The following MDM1 variants were observed in gnomAD, a reference collection of about 807,000 sequenced individuals.
MDM1 encodes stabilizer of axonemal microtubules 6.
A neutral mutation model predicts 89.1 loss-of-function variants in MDM1; 61 were observed. That is an observed-to-expected ratio of 0.68 (90% CI 0.56 to 0.85). The LOEUF (loss-of-function observed/expected upper bound fraction) is 0.85. MDM1 is among the 40% of genes least tolerant of loss of function. MDM1 has a pLI of 0.00. For missense variants in MDM1, 820 were observed against 846.5 expected (o/e 0.97, Z 0.39); for synonymous variants, 290 against 294.1 (o/e 0.99, Z 0.14).
intron 12 of MDM1, among the ~76,000 whole-genome samples, chr12:68,310,321 A>C (rs993341277): frequency 2.6e-5 from 4 of 152,184 alleles, no homozygotes; most frequent in African/African-American, 9.7e-5. Flanking sequence ...AGTGTATAGT[A>C]CTCACAGTGA....
intron 12 of MDM1, among the ~76,000 whole-genome samples, chr12:68,308,537 T>C (rs958875972): frequency 6.6e-6 from 1 of 152,246 alleles, no homozygotes; most frequent in South Asian, 2.1e-4. Context: ...CCTGTCCTGA[T>C]GGCCCAAACT....
intron 13 of MDM1, among the ~76,000 whole-genome samples, chr12:68,299,837 T>C (rs1446771699): frequency 6.6e-6 from 1 of 152,136 alleles, no homozygotes; most frequent in Non-Finnish European, 1.5e-5. Context: ...CTCAATGAAC[T>C]CTTAGGAACT....
At chr12:68,316,354 C>T (rs1479404999) in intron 8 of MDM1, 101 bp from the exon 9 acceptor site, 28 of 1,332,820 alleles carry the variant, frequency 2.1e-5, no homozygotes, top group Non-Finnish European at 1.1e-5. Context: ...AGCCAGGGAC[C>T]AAAGACAAAG....
intron 2 of MDM1, 182 bp downstream of exon 2, chr12:68,330,925 G>A (rs1351869374): frequency 1.7e-6 from 1 of 580,872 alleles, no homozygotes; most frequent in Non-Finnish European, 3.1e-6. Context: ...AATAGTCCTG[G>A]CTCATAGTAA....
At chr12:68,300,967 C>T (rs1172915952) in intron 13 of MDM1, among the ~76,000 whole-genome samples, 3 of 152,120 alleles carry the variant, frequency 2.0e-5, no homozygotes, top group Non-Finnish European at 4.4e-5. Context: ...TCTTCTCAGA[C>T]CACAGGGGAA....
intron 9 of MDM1, 109 bp from the exon 10 acceptor site, chr12:68,315,374 T>C: frequency 1.0e-6 from 1 of 1,001,308 alleles, no homozygotes; most frequent in Non-Finnish European, 1.5e-6. Context: ...AACTACATGT[T>C]TTCCATAGAT....
chr12:68,313,664 T>G lies in MDM1; in HGVS notation c.1619A>C (p.Asp540Ala), dbSNP rs1482264476. The part of the protein sequence containing the change: ...ELGGIQRTHH[D>A]LTTPAVGGAV... The stretch of plus-strand genomic sequence containing the variant: ...ATTACCAACAGCTGGAGTAGTGAGA[T>G]CATGATGAGTCCTCTGGATTCCACC... Residue 540 changes from aspartate (D) to alanine (A), a missense_variant, in exon 11 of 15, where the codon GAT (aspartate) becomes GCT (alanine). Coordinates refer to ENST00000682720, the MANE Select transcript of MDM1 (RefSeq NM_001354969.2). 2.5e-6 allele frequency: 4 copies of G among 1,613,858 alleles called. No homozygotes were observed. The African/African-American group carries it at 5.3e-5, about 22-fold the overall frequency.
chr12:68,312,282 A>C (rs1873800869), intron 12 of MDM1, among the ~76,000 whole-genome samples: 2 of 152,284 alleles, frequency 1.3e-5, no homozygotes, highest in South Asian at 4.1e-4. Flanking sequence ...ATGTCTAATA[A>C]GCTTCTCAAA....
intron 12 of MDM1, among the ~76,000 whole-genome samples, chr12:68,310,078 C>A (rs1285683290): frequency 2.0e-5 from 3 of 152,200 alleles, no homozygotes; most frequent in Non-Finnish European, 4.4e-5. Flanking sequence ...TGAAGTGATT[C>A]TTGTGCCTCA....
intron 12 of MDM1, among the ~76,000 whole-genome samples, chr12:68,305,402 C>T (rs1439469874): frequency 6.6e-6 from 1 of 152,012 alleles, no homozygotes; most frequent in Non-Finnish European, 1.5e-5. Context: ...GTACTGAAGT[C>T]CTACCCAGAG....
At chr12:68,321,251 T>C (rs1875182405) in intron 7 of MDM1, 96 bp downstream of exon 7, 1 of 777,980 alleles carries the variant, frequency 1.3e-6, no homozygotes. Context: ...CTTCTTTAAA[T>C]TGTGGTCTCT....
intron 3 of MDM1, chr12:68,325,852 C>A: frequency 2.9e-6 from 3 of 1,048,934 alleles, no homozygotes; most frequent in Admixed American, 5.5e-5. Context: ...TCCTTTCCTA[C>A]TAATCATTCA....
intron 12 of MDM1, among the ~76,000 whole-genome samples, chr12:68,312,011 C>T (rs992319905): frequency 6.6e-6 from 1 of 152,172 alleles, no homozygotes; most frequent in Non-Finnish European, 1.5e-5. Context: ...TCGTTTGTCA[C>T]CACCTCACTG....
At position 68,302,860 on chromosome 12, in the gene MDM1, CA is replaced by C. The variant is rs771200439; in HGVS notation, c.1761del (p.Ala588LeufsTer5). The C allele has an allele frequency of 7.2e-7, 1 of 1,398,092 alleles. No homozygotes were observed. The highest frequency in any genetic ancestry group is 9.4e-7 in the Non-Finnish European group (1 of 1,061,696). The allele number at this position is 1,398,092 out of a possible 1,614,324, so 86.6% of individuals were successfully genotyped here. On this transcript the variant is annotated frameshift_variant, in exon 13 of 15. Coordinates refer to ENST00000682720, the MANE Select transcript of MDM1 (RefSeq NM_001354969.2). LOFTEE classifies it high-confidence loss of function. The part of the protein sequence containing the change: ...SKNDFTKKES[R>X]AVSLLTSPAA... ...GCTGGAGAAGTCAGTAGGGATACAG[CA>C]CGACTTTCTTTCTAAATGACAAAAA...
intron 12 of MDM1, among the ~76,000 whole-genome samples, chr12:68,309,548 T>C (rs1364195542): frequency 6.6e-6 from 1 of 152,230 alleles, no homozygotes; most frequent in African/African-American, 2.4e-5. Flanking sequence ...TCCATTATCA[T>C]TGCCATAGCA....
chr12:68,326,826 AG>A lies in MDM1; in HGVS notation c.328del (p.Leu110Ter). On this transcript the variant is annotated frameshift_variant, in exon 3 of 15. Coordinates refer to ENST00000682720, the MANE Select transcript of MDM1 (RefSeq NM_001354969.2). LOFTEE classifies it high-confidence loss of function. ...KDVTQERVHS[L>X]EASRVPKRTR... ...TCTTTTGGGAACCCTGGAAGCTTCT[AG>A]TGAGTGAACTCTTTCTTGAGTAACA... 6.2e-7 allele frequency: 1 copy of A among 1,613,904 alleles called. No homozygotes were observed. The highest frequency in any genetic ancestry group is 8.5e-7 in the Non-Finnish European group (1 of 1,179,846).
At chr12:68,327,312 C>T (rs1431959068) in intron 2 of MDM1, 66 of 1,428,318 alleles carry the variant, frequency 4.6e-5, no homozygotes, top group Non-Finnish European at 4.9e-5. Context: ...AGAATTGCAA[C>T]GTGATAGACC....
intron 12 of MDM1, among the ~76,000 whole-genome samples, chr12:68,312,624 C>A (rs1156986487): frequency 6.6e-6 from 1 of 152,186 alleles, no homozygotes; most frequent in African/African-American, 2.4e-5. Context: ...TGGAAAAAAA[C>A]TAAATAAAAT....
chr12:68,324,682 G>A (rs1251310430), intron 4 of MDM1, among the ~76,000 whole-genome samples: 2 of 152,086 alleles, frequency 1.3e-5, no homozygotes, highest in Non-Finnish European at 2.9e-5. Context: ...TATTTATAAA[G>A]AAAAACACGA....
Sources: gnomAD v4.1 joint callset for allele counts (sites outside exome capture counted in the v4.1 genomes callset) on GRCh38, gnomAD v4.1.1 for gene constraint, MANE v1.5 for transcripts, NCBI Gene and HGNC (gene_info 2026-07-23, HGNC 2026-07-21) for gene names.